Variants in EEA1 observed in about 807,000 individuals in gnomAD.
EEA1 encodes the protein early endosome antigen 1.
In EEA1, 111 loss-of-function variants were observed where a neutral mutation model predicts 209.2. That is an observed-to-expected ratio of 0.53 (90% CI 0.45 to 0.62). The LOEUF is 0.62. Among genes scored for constraint, EEA1 ranks in the 20% least tolerant of loss-of-function variants. The pLI is 0.00. For missense variants in EEA1, 1,343 were observed against 1,530.8 expected (o/e 0.88, Z 2.05); for synonymous variants, 536 against 540.6 (o/e 0.99, Z 0.12).
Position 92,788,037 on chromosome 12 carries a change from T to C in EEA1, c.2980A>G (p.Asn994Asp), listed in dbSNP as rs1207268525. ...TGTGTTAACTGCTGCTGTAGTTTATTCTCAAGCTCTGTCTGAAACATACAA... is the reference window on the plus strand; with the variant it reads ...TGTGTTAACTGCTGCTGTAGTTTATCCTCAAGCTCTGTCTGAAACATACAA... Reference protein sequence around the residue: ...IAVLQKTELENKLQQQLTQAA... With the variant: ...IAVLQKTELEDKLQQQLTQAA... Residue 994 changes from asparagine to aspartate, a missense_variant, in exon 22 of 29, where the codon AAT (asparagine) becomes GAT (aspartate). Coordinates refer to ENST00000322349, the MANE Select transcript of EEA1 (RefSeq NM_003566.4). 1 of 1,600,166 alleles carries C rather than the reference T, an allele frequency of 6.2e-7. No individual in the cohort carries two copies. Among genetic ancestry groups the C allele is most frequent in the East Asian group, 2.3e-5 (1 of 44,390 alleles).
At chr12:92,801,896 C>A (rs1874932445) in intron 19 of EEA1, among the ~76,000 whole-genome samples, 195 bp from the exon 20 acceptor site, 1 of 151,700 alleles carries the variant, frequency 6.6e-6, no homozygotes, top group African/African-American at 2.4e-5. Flanking sequence ...CAACAAAACA[C>A]TAAGGGTTTT....
At chr12:92,865,248 C>A (rs970433432) in intron 2 of EEA1, among the ~76,000 whole-genome samples, 2 of 151,848 alleles carry the variant, frequency 1.3e-5, no homozygotes, top group African/African-American at 4.8e-5. Context: ...GCTGGAGTAC[C>A]CAAGTCTAAT....
chr12:92,815,782 A>G (rs1860657013), intron 15 of EEA1, among the ~76,000 whole-genome samples: 1 of 152,170 alleles, frequency 6.6e-6, no homozygotes, highest in African/African-American at 2.4e-5. Flanking sequence ...AATATTTAGC[A>G]TAGAAATCTA....
chr12:92,873,484 A>C (rs966929892), intron 2 of EEA1, among the ~76,000 whole-genome samples: 6 of 152,222 alleles, frequency 3.9e-5, no homozygotes, highest in Admixed American at 3.3e-4. Flanking sequence ...ATACAGTAGA[A>C]GGTACTGCCA....
chr12:92,917,076 A>C (rs1013741879), intron 1 of EEA1, among the ~76,000 whole-genome samples: 1 of 147,218 alleles, frequency 6.8e-6, no homozygotes, highest in Admixed American at 6.7e-5. Flanking sequence ...CAAAGCCTCC[A>C]AGAAATATGG....
intron 3 of EEA1, among the ~76,000 whole-genome samples, chr12:92,860,541 AT>A (rs1204056730): frequency 6.6e-6 from 1 of 151,890 alleles, no homozygotes. Flanking sequence ...CTTTAAAAAA[AT>A]TTTTTTTCTC....
At chr12:92,812,025 G>GT (rs1730134335) in intron 16 of EEA1, among the ~76,000 whole-genome samples, 1 of 151,978 alleles carries the variant, frequency 6.6e-6, no homozygotes, top group South Asian at 2.1e-4. Flanking sequence ...CTTCTGTATT[G>GT]TTTTTTAAAA....
chr12:92,841,495 T>C (rs976405460), intron 10 of EEA1, among the ~76,000 whole-genome samples: 5 of 152,164 alleles, frequency 3.3e-5, no homozygotes, highest in Non-Finnish European at 5.9e-5. Context: ...TCCTACAGAA[T>C]GGGATAAAAT....
intron 9 of EEA1, among the ~76,000 whole-genome samples, chr12:92,849,537 T>C (rs1877522311): frequency 6.6e-6 from 1 of 152,168 alleles, no homozygotes; most frequent in African/African-American, 2.4e-5. Flanking sequence ...CCTGAAATTG[T>C]TTGAAAATTT....
rs555435143 is a variant in EEA1, at chr12:92,771,921, A to G, written c.*4090T>C. On this transcript the variant is annotated 3_prime_UTR_variant, in exon 29 of 29. Coordinates refer to ENST00000322349, the MANE Select transcript of EEA1 (RefSeq NM_003566.4). ...AAAACAGCTCAAGAATATGCTGTAC[A>G]TAAACTGGAATTCTATAAAGCTCAC... The G allele has an allele frequency of 6.6e-6, 1 of 152,176 alleles. No individual in the cohort carries two copies. The highest frequency in any genetic ancestry group is 2.1e-4 in the South Asian group (1 of 4,828). 9.4% of individuals were successfully genotyped at this position (152,176 alleles called of 1,614,324 possible).
Position 92,780,368 on chromosome 12 carries a change from G to C in EEA1, c.3380C>G (p.Ala1127Gly). Residue 1127 changes from alanine to glycine, a missense_variant, in exon 24 of 29, where the codon GCA becomes GGA. By Grantham distance (60) the Ala-to-Gly change is moderately conservative (BLOSUM62 0). Coordinates refer to ENST00000322349, the MANE Select transcript of EEA1 (RefSeq NM_003566.4). ...TCTACATTTAATTTCTTCTATCTCT[G>C]CCAATTTAGACTTCTCATTTACCAG... is the stretch of plus-strand genomic sequence containing the variant. ...KELVNEKSKL[A>G]EIEEIKCRQE... 6.3e-7 allele frequency: 1 copy of C among 1,585,934 alleles called. No individual in the cohort carries two copies. Among genetic ancestry groups the C allele is most frequent in the African/African-American group, 1.4e-5 (1 of 73,554 alleles).
intron 14 of EEA1, 100 bp downstream of exon 14, chr12:92,819,208 T>TA: frequency 1.8e-6 from 2 of 1,108,124 alleles, no homozygotes; most frequent in South Asian, 4.0e-5. Flanking sequence ...TAAAATGTGC[T>TA]AAAAAGAGCA....
At chr12:92,912,006 GT>G (rs920564645) in intron 1 of EEA1, among the ~76,000 whole-genome samples, 1 of 152,120 alleles carries the variant, frequency 6.6e-6, no homozygotes, top group African/African-American at 2.4e-5. Context: ...AATAGCCCTG[GT>G]TGATATCGAA....
At chr12:92,913,121 T>C (rs1431151842) in intron 1 of EEA1, among the ~76,000 whole-genome samples, 2 of 152,260 alleles carry the variant, frequency 1.3e-5, no homozygotes, top group African/African-American at 4.8e-5. Context: ...ATCTCCATAC[T>C]GTTTTCCACA....
chr12:92,850,731 A>T (rs1415480304), intron 9 of EEA1, among the ~76,000 whole-genome samples: 1 of 149,332 alleles, frequency 6.7e-6, no homozygotes, highest in Non-Finnish European at 1.5e-5. Flanking sequence ...TAAGCTTATT[A>T]CAAAATAAGC....
chr12:92,781,903 C>T, intron 23 of EEA1, 47 bp downstream of exon 23: 1 of 1,534,024 alleles, frequency 6.5e-7, no homozygotes. Context: ...ATCTCTAAGA[C>T]AACTGTAACT....
chr12:92,858,649 A>G (rs2136716606), intron 3 of EEA1: 1 of 735,650 alleles, frequency 1.4e-6, no homozygotes, highest in South Asian at 1.4e-5. Flanking sequence ...TGTGCACTAT[A>G]TGCAGGATTG....
chr12:92,777,628 T>C lies in EEA1; in HGVS notation c.3929A>G (p.Gln1310Arg), dbSNP rs1413007267. Residue 1310 changes from glutamine to arginine, a missense_variant, in exon 27 of 29, where the codon CAA (glutamine) becomes CGA (arginine). Coordinates refer to ENST00000322349, the MANE Select transcript of EEA1 (RefSeq NM_003566.4). ...TCTTTGCAATTCTAATACTTTGGTT[T>C]GAAGCTTTTCTATTTCACCTTCTCC... ...LKGEGEIEKL[Q>R]TKVLELQRKL... 1.2e-6 allele frequency: 2 copies of C among 1,612,244 alleles called. No individual in the cohort carries two copies. Among genetic ancestry groups the C allele is most frequent in the South Asian group, 2.2e-5 (2 of 90,994 alleles).
At chr12:92,801,540 T>G in intron 20 of EEA1, 60 bp downstream of exon 20, 1 of 1,116,772 alleles carries the variant, frequency 9.0e-7, no homozygotes, top group South Asian at 1.7e-5. Context: ...TATATTTATT[T>G]GAAAATATAA....
Sources: gnomAD v4.1 joint callset for allele counts (sites outside exome capture counted in the v4.1 genomes callset) on GRCh38, gnomAD v4.1.1 for gene constraint, MANE v1.5 for transcripts, NCBI Gene and HGNC (gene_info 2026-07-23, HGNC 2026-07-21) for gene names.